Variants in SLC44A5 observed in about 807,000 individuals in gnomAD.
SLC44A5 encodes solute carrier family 44 member 5.
Under a neutral mutation model 101.8 loss-of-function variants are expected in SLC44A5, and 57 were observed. The observed-to-expected ratio is 0.56, with a 90% confidence interval of 0.45 to 0.70. SLC44A5 has a LOEUF of 0.70. Among genes scored for constraint, SLC44A5 ranks in the 30% least tolerant of loss-of-function variants. SLC44A5 has a pLI of 0.00. For synonymous variants in SLC44A5, 281 were observed against 290.9 expected, an observed-to-expected ratio of 0.97 and a Z score of 0.35; for missense variants, 737 against 853.1, an observed-to-expected ratio of 0.86 and a Z score of 1.70.
chr1:75,599,011 A>T (rs561503098), intron 1 of SLC44A5, among the ~76,000 whole-genome samples: 3 of 152,346 alleles, frequency 2.0e-5, no homozygotes, highest in East Asian at 3.9e-4. Context: ...TCAGTTAATT[A>T]TGCCAGTTAT....
chr1:75,619,217 G>A, the SLC44A5 span, among the ~76,000 whole-genome samples: 1 of 150,454 alleles, frequency 6.6e-6, no homozygotes, highest in Non-Finnish European at 1.5e-5. Context: ...GGAAGAAAGG[G>A]ACGGAGAGCA....
intron 2 of SLC44A5, among the ~76,000 whole-genome samples, chr1:75,529,172 G>A (rs986290442): frequency 1.2e-4 from 18 of 152,222 alleles, no homozygotes; most frequent in Non-Finnish European, 1.9e-4. Context: ...GATGGATGTC[G>A]TACAAATATT....
chr1:75,349,072 A>G (rs557508878), intron 3 of SLC44A5, among the ~76,000 whole-genome samples: 1 of 152,332 alleles, frequency 6.6e-6, no homozygotes, highest in South Asian at 2.1e-4. Flanking sequence ...TTGCTGGGCC[A>G]GCTGTGGTGG....
At chr1:75,689,882 C>A in the SLC44A5 span, among the ~76,000 whole-genome samples, 1 of 152,168 alleles carries the variant, frequency 6.6e-6, no homozygotes, top group Non-Finnish European at 1.5e-5. Flanking sequence ...TAGGTTGCAA[C>A]AGTTCCATGT....
the SLC44A5 span, among the ~76,000 whole-genome samples, chr1:75,639,257 G>T: frequency 1.3e-5 from 2 of 152,064 alleles, no homozygotes; most frequent in African/African-American, 4.8e-5. Context: ...TAATCAGCTA[G>T]ATTAGGTGAA....
intron 2 of SLC44A5, among the ~76,000 whole-genome samples, chr1:75,496,280 G>A (rs1668668113): frequency 6.6e-6 from 1 of 151,994 alleles, no homozygotes. Context: ...AACAGAATAA[G>A]AGAGCCCAGA....
intron 2 of SLC44A5, among the ~76,000 whole-genome samples, chr1:75,433,843 G>A (rs996592151): frequency 2.0e-5 from 3 of 152,246 alleles, no homozygotes; most frequent in Admixed American, 6.5e-5. Flanking sequence ...CCACATGGCT[G>A]AGGAGGCTTC....
At chr1:75,556,210 G>T (rs1672208034) in intron 1 of SLC44A5, among the ~76,000 whole-genome samples, 1 of 151,966 alleles carries the variant, frequency 6.6e-6, no homozygotes, top group Admixed American at 6.6e-5. Flanking sequence ...TAGTCACATT[G>T]TATTTTGTTC....
the SLC44A5 span, among the ~76,000 whole-genome samples, chr1:75,638,678 G>A: frequency 9.9e-5 from 15 of 152,068 alleles, no homozygotes; most frequent in Middle Eastern, 3.4e-3. Flanking sequence ...CAAGGAAAAC[G>A]GTCCTTCTTT....
chr1:75,563,779 T>C (rs1672645656), intron 1 of SLC44A5, among the ~76,000 whole-genome samples: 1 of 152,172 alleles, frequency 6.6e-6, no homozygotes. Context: ...GTTGTTCTAT[T>C]GCATTATATA....
chr1:75,596,958 G>A (rs1490919290), intron 1 of SLC44A5, among the ~76,000 whole-genome samples: 2 of 152,074 alleles, frequency 1.3e-5, no homozygotes, highest in Non-Finnish European at 2.9e-5. Flanking sequence ...AGGGAAATCA[G>A]GCAAGAGAAA....
chr1:75,683,250 G>T, the SLC44A5 span, among the ~76,000 whole-genome samples: 92 of 151,928 alleles, frequency 6.1e-4, no homozygotes, highest in African/African-American at 2.0e-3. Context: ...GCCATCCCAT[G>T]ACTGGGTATA....
chr1:75,701,665 G>T, the SLC44A5 span, among the ~76,000 whole-genome samples: 1 of 152,138 alleles, frequency 6.6e-6, no homozygotes, highest in Non-Finnish European at 1.5e-5. Flanking sequence ...AGGGCAATCA[G>T]GCAGGAGAAA....
intron 2 of SLC44A5, among the ~76,000 whole-genome samples, chr1:75,520,303 G>T (rs1001216653): frequency 6.6e-6 from 1 of 152,116 alleles, no homozygotes; most frequent in African/African-American, 2.4e-5. Context: ...AGACCAGCCT[G>T]GGCAACATAG....
intron 2 of SLC44A5, among the ~76,000 whole-genome samples, chr1:75,521,204 G>A (rs1318149263): frequency 6.6e-6 from 1 of 152,034 alleles, no homozygotes; most frequent in Non-Finnish European, 1.5e-5. Context: ...TGAAGTTGAG[G>A]GAAGTCAACC....
chr1:75,660,420 A>C, the SLC44A5 span, among the ~76,000 whole-genome samples: 2 of 152,138 alleles, frequency 1.3e-5, no homozygotes, highest in African/African-American at 4.8e-5. Context: ...TAATACCTGG[A>C]ATAAGACAAG....
chr1:75,483,014 T>G lies in SLC44A5; in HGVS notation c.13+58421A>C, dbSNP rs574116342. Among the ~76,000 whole-genome samples, 4 of 152,312 alleles carry G rather than the reference T, an allele frequency of 2.6e-5. No homozygotes were observed. In the South Asian group the frequency reaches 6.2e-4, roughly 24 times the overall value. ...AATAACATTTATGGTAAAAATACAA[T>G]AAATTACACTTTTATTCACATTCAA... On this transcript the variant is annotated intron_variant, in intron 2 of 23. Transcript: ENST00000370859.
chr1:75,289,383 T>G (rs1653346287), intron 5 of SLC44A5, among the ~76,000 whole-genome samples: 1 of 152,066 alleles, frequency 6.6e-6, no homozygotes, highest in Non-Finnish European at 1.5e-5. Context: ...CTATTCTTCT[T>G]TTGAGAAATA....
chr1:75,417,021 G>A (rs1663694002), intron 2 of SLC44A5, among the ~76,000 whole-genome samples: 1 of 152,140 alleles, frequency 6.6e-6, no homozygotes, highest in Non-Finnish European at 1.5e-5. Context: ...GAGACCTTGG[G>A]GAACTGTTGG....
Sources: allele counts gnomAD v4.1 joint callset (sites outside exome capture counted in the v4.1 genomes callset), GRCh38; gene constraint gnomAD v4.1.1; transcripts MANE v1.5; gene names NCBI Gene and HGNC (gene_info 2026-07-23, HGNC 2026-07-21).